Variants in SGCZ observed in about 807,000 individuals in gnomAD.
The protein encoded by SGCZ is sarcoglycan zeta, also known as zeta-sarcoglycan.
In SGCZ, 40 loss-of-function variants were observed where a neutral mutation model predicts 41.3. The observed-to-expected ratio is 0.97, with a 90% CI of 0.75 to 1.26. The LOEUF is 1.26. SGCZ is among the 50% of genes most tolerant of loss of function. The probability of loss-of-function intolerance (pLI) is 0.00; values close to 1 mark genes in which losing one functional copy is unlikely to be tolerated. For missense variants in SGCZ, 552 were observed against 369.8 expected, an observed-to-expected ratio of 1.49 and a Z score of -4.04; for synonymous variants, 206 against 137.5, an observed-to-expected ratio of 1.50 and a Z score of -3.49.
intron 4 of SGCZ, among the ~76,000 whole-genome samples, chr8:14,215,665 C>G (rs1463158736): frequency 6.6e-6 from 1 of 152,002 alleles, no homozygotes; most frequent in Non-Finnish European, 1.5e-5. Flanking sequence ...GACCATATCA[C>G]TATAGATAGT....
At chr8:14,353,061 A>T (rs554369718) in intron 2 of SGCZ, among the ~76,000 whole-genome samples, 1 of 151,898 alleles carries the variant, frequency 6.6e-6, no homozygotes, top group Admixed American at 6.6e-5. Context: ...GAAGAGAATT[A>T]TGTTGCACGT....
intron 2 of SGCZ, among the ~76,000 whole-genome samples, chr8:14,410,432 T>G (rs932363339): frequency 6.6e-6 from 1 of 151,380 alleles, no homozygotes; most frequent in Admixed American, 6.6e-5. Context: ...TGATTTTCAA[T>G]GACCCAAATG....
At chr8:14,336,334 C>G (rs1451406683) in intron 2 of SGCZ, among the ~76,000 whole-genome samples, 3 of 152,104 alleles carry the variant, frequency 2.0e-5, no homozygotes, top group Non-Finnish European at 4.4e-5. Context: ...GGCATTCAGC[C>G]TGCTATTGAT....
Position 14,775,460 on chromosome 8 carries a change from A to AGT in SGCZ, c.40-220536_40-220535dup, listed in dbSNP as rs71739993. 5.5e-3 allele frequency among the ~76,000 whole-genome samples: 827 copies of AGT among 149,284 alleles called. 4 individuals are homozygous for AGT. Among genetic ancestry groups the AGT allele is most frequent in the South Asian group, 0.012 (56 of 4,666 alleles). On this transcript the variant is annotated intron_variant, in intron 1 of 7. Transcript: ENST00000382080. Reference sequence around the variant, plus strand: ...GACAGTATGCTGAGTAGAATATTTGAGTGTGTGTGTGTGTGTGTGTGTGTG... The same window carrying AGT: ...GACAGTATGCTGAGTAGAATATTTGAGTGTGTGTGTGTGTGTGTGTGTGTGTG...
intron 1 of SGCZ, among the ~76,000 whole-genome samples, chr8:14,616,894 T>C (rs1433227528): frequency 6.6e-6 from 1 of 152,196 alleles, no homozygotes; most frequent in East Asian, 1.9e-4. Flanking sequence ...AAAAATTTAG[T>C]TGGAAAGTTA....
intron 2 of SGCZ, among the ~76,000 whole-genome samples, chr8:14,421,190 G>T (rs916760878): frequency 6.6e-6 from 1 of 151,990 alleles, no homozygotes; most frequent in Admixed American, 6.6e-5. Context: ...ACATGGAATT[G>T]TATCATAAAT....
intron 2 of SGCZ, among the ~76,000 whole-genome samples, chr8:14,455,506 C>A (rs570925941): frequency 7.4e-5 from 11 of 149,482 alleles, no homozygotes; most frequent in Admixed American, 2.7e-4. Context: ...ATACACACTT[C>A]TCTTTCCTTT....
chr8:15,045,888 C>T (rs549497123), intron 1 of SGCZ, among the ~76,000 whole-genome samples: 2 of 152,168 alleles, frequency 1.3e-5, no homozygotes, highest in African/African-American at 4.8e-5. Flanking sequence ...GAATACTCTC[C>T]ACCACTCTTT....
intron 7 of SGCZ, 75 bp from the exon 8 acceptor site, chr8:14,090,712 A>C: frequency 2.3e-6 from 3 of 1,290,212 alleles, no homozygotes; most frequent in Non-Finnish European, 3.2e-6. Context: ...CCTCCTCAAC[A>C]TGGTCTAATA....
chr8:14,862,354 A>G (rs1585327375), intron 1 of SGCZ, among the ~76,000 whole-genome samples: 1 of 151,878 alleles, frequency 6.6e-6, no homozygotes, highest in Non-Finnish European at 1.5e-5. Context: ...GTGGCACAAC[A>G]GATCACTAAG....
chr8:15,080,040 AT>A (rs908935943), intron 1 of SGCZ, among the ~76,000 whole-genome samples: 28 of 150,956 alleles, frequency 1.9e-4, no homozygotes, highest in African/African-American at 5.6e-4. Flanking sequence ...TTCCTTCGCC[AT>A]TTTTTTTATC....
intron 2 of SGCZ, among the ~76,000 whole-genome samples, chr8:14,339,909 T>C (rs1802643182): frequency 6.6e-6 from 1 of 152,022 alleles, no homozygotes; most frequent in African/African-American, 2.4e-5. Context: ...CAGATGCTAA[T>C]AAGAGAAATG....
intron 1 of SGCZ, among the ~76,000 whole-genome samples, chr8:14,675,726 C>T (rs1205837893): frequency 6.6e-6 from 1 of 152,064 alleles, no homozygotes; most frequent in Non-Finnish European, 1.5e-5. Context: ...CTGGAACTCC[C>T]AACAAAATAT....
At chr8:14,482,048 G>T (rs992763558) in intron 2 of SGCZ, among the ~76,000 whole-genome samples, 1 of 152,162 alleles carries the variant, frequency 6.6e-6, no homozygotes, top group Non-Finnish European at 1.5e-5. Context: ...AAATGCTATT[G>T]CAGGAGGACT....
chr8:15,086,276 T>C (rs1805945878), intron 1 of SGCZ, among the ~76,000 whole-genome samples: 1 of 152,220 alleles, frequency 6.6e-6, no homozygotes, highest in Non-Finnish European at 1.5e-5. Flanking sequence ...CAGGAAAATA[T>C]TCTTGCATAC....
At chr8:15,063,840 A>C (rs1161470731) in intron 1 of SGCZ, among the ~76,000 whole-genome samples, 1 of 152,196 alleles carries the variant, frequency 6.6e-6, no homozygotes, top group African/African-American at 2.4e-5. Context: ...TAGTTTCTTC[A>C]TAAGAAGAAT....
At chr8:15,063,942 A>T (rs1280824447) in intron 1 of SGCZ, among the ~76,000 whole-genome samples, 1 of 152,168 alleles carries the variant, frequency 6.6e-6, no homozygotes, top group Non-Finnish European at 1.5e-5. Flanking sequence ...TCTACACATC[A>T]CACACAAAAA....
intron 4 of SGCZ, among the ~76,000 whole-genome samples, chr8:14,196,785 C>A (rs920684976): frequency 6.6e-6 from 1 of 152,030 alleles, no homozygotes; most frequent in Non-Finnish European, 1.5e-5. Flanking sequence ...GCCGCCAAAA[C>A]TATACAAGTT....
chr8:14,277,236 T>A (rs1405623330), intron 3 of SGCZ, among the ~76,000 whole-genome samples: 1 of 152,198 alleles, frequency 6.6e-6, no homozygotes, highest in Non-Finnish European at 1.5e-5. Flanking sequence ...CTATCTTTTT[T>A]CACTTTTATC....
Sources: gnomAD v4.1 joint callset for allele counts (sites outside exome capture counted in the v4.1 genomes callset) on GRCh38, gnomAD v4.1.1 for gene constraint, MANE v1.5 for transcripts, NCBI Gene and HGNC (gene_info 2026-07-23, HGNC 2026-07-21) for gene names.